Variants in DGKB observed in about 807,000 individuals in gnomAD.
The protein encoded by DGKB is 90 kDa diacylglycerol kinase.
DGKB carries 67 observed loss-of-function variants against 114.3 expected under a neutral mutation model. The ratio of observed to expected loss-of-function variants is 0.59; its 90% CI spans 0.48 to 0.72. The LOEUF is 0.72. Among genes scored for constraint, DGKB ranks in the 30% least tolerant of loss-of-function variants. The pLI, the probability that DGKB is intolerant of heterozygous loss-of-function variation, is 0.00. For synonymous variants in DGKB, 398 were observed against 323.1 expected, an observed-to-expected ratio of 1.23 and a Z score of -2.49; for missense variants, 907 against 975.2, an observed-to-expected ratio of 0.93 and a Z score of 0.93.
intron 1 of DGKB, among the ~76,000 whole-genome samples, chr7:14,878,191 C>A (rs1428017558): frequency 1.3e-5 from 2 of 152,162 alleles, no homozygotes; most frequent in African/African-American, 4.8e-5. Context: ...AGAAAATATT[C>A]ATGGCAATAA....
At chr7:14,967,641 A>C (rs1787234261) in intron 1 of DGKB, among the ~76,000 whole-genome samples, 1 of 139,764 alleles carries the variant, frequency 7.2e-6, no homozygotes, top group South Asian at 2.2e-4. Flanking sequence ...CTTTACAAGC[A>C]TGTGATTTAT....
chr7:14,741,039 G>T (rs1832513696), intron 4 of DGKB, among the ~76,000 whole-genome samples: 1 of 152,086 alleles, frequency 6.6e-6, no homozygotes, highest in Non-Finnish European at 1.5e-5. Context: ...ATTCTGAGCT[G>T]GGGGGCTCCT....
intron 23 of DGKB, among the ~76,000 whole-genome samples, chr7:14,335,313 TAAAAC>T (rs1810451654): frequency 6.6e-6 from 1 of 152,138 alleles, no homozygotes; most frequent in Non-Finnish European, 1.5e-5. Flanking sequence ...AGGGTAAACT[TAAAAC>T]AAATTAAATC....
intron 23 of DGKB, among the ~76,000 whole-genome samples, chr7:14,279,524 G>C (rs935086535): frequency 6.6e-6 from 1 of 152,226 alleles, no homozygotes; most frequent in Non-Finnish European, 1.5e-5. Flanking sequence ...CCAGTACGCA[G>C]CTGGAGATGA....
intron 23 of DGKB, among the ~76,000 whole-genome samples, chr7:14,190,435 G>T (rs2128270523): frequency 6.6e-6 from 1 of 151,650 alleles, no homozygotes; most frequent in South Asian, 2.1e-4. Flanking sequence ...CATCACAAAA[G>T]AAGATTTCTA....
chr7:14,710,445 A>G (rs1418597330), intron 6 of DGKB, among the ~76,000 whole-genome samples: 1 of 152,096 alleles, frequency 6.6e-6, no homozygotes, highest in African/African-American at 2.4e-5. Context: ...ATAAACAATG[A>G]ATTTCAATTT....
At chr7:14,915,519 T>C (rs987720739) in intron 1 of DGKB, among the ~76,000 whole-genome samples, 1 of 152,198 alleles carries the variant, frequency 6.6e-6, no homozygotes, top group Non-Finnish European at 1.5e-5. Flanking sequence ...AGGCATATTA[T>C]ATTCAAGCTG....
intron 25 of DGKB, among the ~76,000 whole-genome samples, chr7:14,174,025 T>C (rs1180860688): frequency 6.6e-6 from 1 of 152,238 alleles, no homozygotes; most frequent in African/African-American, 2.4e-5. Flanking sequence ...TAAACAAGCT[T>C]AAATTATTCT....
intron 20 of DGKB, among the ~76,000 whole-genome samples, chr7:14,504,278 T>A (rs909320095): frequency 9.9e-5 from 15 of 152,178 alleles, no homozygotes; most frequent in African/African-American, 3.6e-4. Context: ...AGAGGCTCTG[T>A]GTATGGAGTA....
At chr7:14,829,352 T>C (rs1189240784) in intron 2 of DGKB, among the ~76,000 whole-genome samples, 19 of 152,126 alleles carry the variant, frequency 1.2e-4, no homozygotes, top group Non-Finnish European at 1.5e-5. Context: ...GAAAGTACCA[T>C]GAGAAAATTT....
chr7:14,907,833 G>A (rs1214018630), upstream of DGKB, among the ~76,000 whole-genome samples: 3 of 152,140 alleles, frequency 2.0e-5, no homozygotes, highest in Non-Finnish European at 4.4e-5. Context: ...TCTGAGCAAT[G>A]ATAAGTAATA....
chr7:14,493,782 G>A (rs2128938195), intron 20 of DGKB, among the ~76,000 whole-genome samples: 1 of 152,136 alleles, frequency 6.6e-6, no homozygotes, highest in East Asian at 1.9e-4. Flanking sequence ...GTTGACTGCA[G>A]TAACTGAAAC....
intron 23 of DGKB, among the ~76,000 whole-genome samples, chr7:14,316,295 G>C (rs201186353): frequency 0.21 from 30,160 of 145,262 alleles, 4,895 homozygotes; most frequent in African/African-American, 0.46. Flanking sequence ...GAGCAGAACT[G>C]AAGGAAATAG....
intron 2 of DGKB, among the ~76,000 whole-genome samples, chr7:14,797,649 T>A (rs561875714): frequency 7.2e-5 from 11 of 152,238 alleles, no homozygotes; most frequent in Admixed American, 3.9e-4. Flanking sequence ...TATTTATTTT[T>A]TTTTTTTCCT....
At chr7:14,552,342 C>T (rs10257158) in intron 20 of DGKB, among the ~76,000 whole-genome samples, 18,351 of 152,102 alleles carry the variant, frequency 0.12, 1,550 homozygotes, top group East Asian at 0.33. Flanking sequence ...GAGCTAAATG[C>T]TAAATGCCCA....
intron 1 of DGKB, among the ~76,000 whole-genome samples, chr7:14,951,771 T>C (rs904986252): frequency 6.6e-6 from 1 of 151,878 alleles, no homozygotes; most frequent in African/African-American, 2.4e-5. Flanking sequence ...GAGGGGGGTA[T>C]ATAGAACTCT....
chr7:14,631,209 C>T (rs898397923), intron 13 of DGKB, among the ~76,000 whole-genome samples: 22 of 146,512 alleles, frequency 1.5e-4, no homozygotes, highest in Admixed American at 4.2e-4. Context: ...ATCTGATAGT[C>T]CAGATATTAT....
chr7:14,710,947 TA>T (rs1375274032), intron 6 of DGKB, among the ~76,000 whole-genome samples: 10 of 152,022 alleles, frequency 6.6e-5, no homozygotes, highest in African/African-American at 2.4e-4. Flanking sequence ...TGGAAAAATA[TA>T]TGAATGGCTT....
chr7:14,853,795 G>A (rs1010088120), intron 1 of DGKB, among the ~76,000 whole-genome samples: 1 of 146,086 alleles, frequency 6.8e-6, no homozygotes, highest in Non-Finnish European at 1.5e-5. Flanking sequence ...GTGAACCCAC[G>A]AGGCGGAGCT....
Sources: gnomAD v4.1 joint callset for allele counts (sites outside exome capture counted in the v4.1 genomes callset) on GRCh38, gnomAD v4.1.1 for gene constraint, MANE v1.5 for transcripts, NCBI Gene and HGNC (gene_info 2026-07-23, HGNC 2026-07-21) for gene names.